Variants in PRH1 observed in about 807,000 individuals in gnomAD.
PRH1 encodes the protein salivary acidic proline-rich phosphoprotein 1/2.
Under a neutral mutation model 7.9 loss-of-function variants are expected in PRH1, and 7 were observed. The ratio of observed to expected loss-of-function variants is 0.89; its 90% confidence interval spans 0.50 to 1.67. The LOEUF (loss-of-function observed/expected upper bound fraction) is 1.67, where lower values mean the gene tolerates loss of function less well. Among genes scored for constraint, PRH1 ranks in the 40% most tolerant of loss-of-function variants. The pLI is 0.00. For missense variants in PRH1, 109 were observed against 223.6 expected (o/e 0.49, Z 3.27); for synonymous variants, 45 against 80.8 (o/e 0.56, Z 2.38).
intron 1 of PRH1, among the ~76,000 whole-genome samples, chr12:11,046,818 G>T (rs942584300): frequency 1.3e-5 from 2 of 152,024 alleles, no homozygotes; most frequent in East Asian, 1.9e-4. Context: ...ACTATTTCAT[G>T]TAGAATACAT....
intron 1 of PRH1, among the ~76,000 whole-genome samples, chr12:11,100,717 C>G (rs1424886909): frequency 6.6e-6 from 1 of 152,140 alleles, no homozygotes; most frequent in Non-Finnish European, 1.5e-5. Context: ...GCTATGGTGA[C>G]TAAATCTGGA....
At chr12:11,061,908 A>T in intron 1 of PRH1, 1 of 1,614,004 alleles carries the variant, frequency 6.2e-7, no homozygotes, top group Middle Eastern at 1.6e-4. Context: ...GTATCACCAG[A>T]ACAACACTCT....
chr12:11,152,221 A>ATCCCTTC, intron 1 of PRH1, among the ~76,000 whole-genome samples: 1 of 88,526 alleles, frequency 1.1e-5, no homozygotes, highest in African/African-American at 3.7e-5. Flanking sequence ...TCCTAATGCT[A>ATCCCTTC]TCCCTCCCCC....
At chr12:11,070,761 C>A (rs1256641725) in intron 1 of PRH1, among the ~76,000 whole-genome samples, 1 of 152,100 alleles carries the variant, frequency 6.6e-6, no homozygotes, top group Non-Finnish European at 1.5e-5. Flanking sequence ...TATCTAGGTA[C>A]CCAAAAGACA....
intron 2 of PRH1, among the ~76,000 whole-genome samples, chr12:10,965,959 C>G (rs916116266): frequency 2.4e-4 from 36 of 152,158 alleles, no homozygotes; most frequent in African/African-American, 8.4e-4. Context: ...TCCTGCTAAC[C>G]AGTACTTTTG....
chr12:11,094,691 T>C lies in PRH1; in HGVS notation n.124-47503A>G, dbSNP rs1320017103. 3.5e-5 allele frequency among the ~76,000 whole-genome samples: 4 copies of C among 115,824 alleles called. 1 individual carries two copies. Among genetic ancestry groups the C allele is most frequent in the African/African-American group, 1.2e-4 (4 of 34,464 alleles). The allele number at this position is 115,824 out of a possible 152,430, so 76.0% of individuals were successfully genotyped here. A position where few individuals can be genotyped will look rare whatever the true frequency, so the allele number is the denominator to read the frequency against. ...TATTTCCCTTCGGTATATAATGAGA[T>C]GAGTAATAATAATTTCTATATTTCT... On this transcript the variant is annotated intron_variant and non_coding_transcript_variant, in intron 1 of 4. Transcript: ENST00000541977.
At chr12:11,027,710 T>C (rs1941988772) in intron 1 of PRH1, among the ~76,000 whole-genome samples, 1 of 152,208 alleles carries the variant, frequency 6.6e-6, no homozygotes, top group Admixed American at 6.5e-5. Flanking sequence ...AGCCAGATGA[T>C]CCAGCAGGAT....
chr12:11,169,067 C>A (rs1947726368), intron 1 of PRH1, among the ~76,000 whole-genome samples: 1 of 152,276 alleles, frequency 6.6e-6, no homozygotes, highest in East Asian at 1.9e-4. Context: ...TTAAACACAG[C>A]TGTTAAATTC....
chr12:11,161,568 T>C (rs1469539504), intron 1 of PRH1, among the ~76,000 whole-genome samples: 1 of 152,162 alleles, frequency 6.6e-6, no homozygotes, highest in Admixed American at 6.5e-5. Context: ...CTCCAAAATA[T>C]TTTAGCAAGA....
At chr12:11,136,626 T>C (rs1336641668) in intron 1 of PRH1, among the ~76,000 whole-genome samples, 1 of 152,104 alleles carries the variant, frequency 6.6e-6, no homozygotes, top group Non-Finnish European at 1.5e-5. Flanking sequence ...ATAATCACCC[T>C]CAAGACATTA....
In PRH1 at chr12:11,088,554, A is replaced by G. The variant is rs1174100069; in HGVS notation, n.124-41366T>C. On this transcript the variant is annotated intron_variant and non_coding_transcript_variant, in intron 1 of 4. Transcript: ENST00000541977. ...CACACGTTGAAACAATCTTTTTTAC[A>G]GTATATGGCATGTTGCTCTCTCTAT... is the stretch of plus-strand genomic sequence containing the variant. Among the ~76,000 whole-genome samples, 2 of 110,594 alleles carry G rather than the reference A, an allele frequency of 1.8e-5. 1 individual carries two copies. Among genetic ancestry groups the G allele is most frequent in the African/African-American group, 6.1e-5 (2 of 32,574 alleles). 72.6% of individuals were successfully genotyped at this position (110,594 alleles called of 152,430 possible).
intron 2 of PRH1, among the ~76,000 whole-genome samples, chr12:10,950,077 A>C (rs1370930051): frequency 6.6e-6 from 1 of 152,146 alleles, no homozygotes; most frequent in East Asian, 1.9e-4. Context: ...CTTTGTAAAC[A>C]TGTCACTCTG....
At chr12:11,046,463 C>T (rs1942901990) in intron 1 of PRH1, among the ~76,000 whole-genome samples, 2 of 152,080 alleles carry the variant, frequency 1.3e-5, no homozygotes, top group South Asian at 2.1e-4. Flanking sequence ...TCCTGCTGCT[C>T]GTGTTATGCC....
intron 1 of PRH1, among the ~76,000 whole-genome samples, chr12:10,984,977 G>A (rs1386931408): frequency 6.6e-6 from 1 of 151,718 alleles, no homozygotes; most frequent in Non-Finnish European, 1.5e-5. Context: ...TTCTAAGGTA[G>A]GGAAGACTCA....
At chr12:11,170,974 A>G (rs4583064) in intron 1 of PRH1, among the ~76,000 whole-genome samples, 44,097 of 152,228 alleles carry the variant, frequency 0.29, 8,274 homozygotes, top group East Asian at 0.74. Context: ...CAGACAAACT[A>G]AAGTTTTAAT....
chr12:11,111,224 G>A (rs1189921807), intron 1 of PRH1, among the ~76,000 whole-genome samples: 2 of 152,156 alleles, frequency 1.3e-5, no homozygotes, highest in African/African-American at 4.8e-5. Context: ...ACACCCCACA[G>A]TCAATATTAG....
At position 10,997,485 on chromosome 12, in the gene PRH1, C is replaced by G. The variant is rs756377164; in HGVS notation, c.-125-23764G>C. 2.3e-5 allele frequency: 37 copies of G among 1,613,874 alleles called. No individual in the cohort carries two copies. The highest frequency in any genetic ancestry group is 3.1e-5 in the Non-Finnish European group (36 of 1,179,968). On this transcript the variant is annotated intron_variant, in intron 1 of 3. Transcript: ENST00000539853. ...AAGAACAAAGACCCCAACACTATCACCAGAACTACACTCTTAGCCTTCCTT... is the reference window on the plus strand; with the variant it reads ...AAGAACAAAGACCCCAACACTATCAGCAGAACTACACTCTTAGCCTTCCTT...
chr12:11,033,969 C>G (rs1942334099), intron 1 of PRH1, among the ~76,000 whole-genome samples: 1 of 150,946 alleles, frequency 6.6e-6, no homozygotes, highest in Non-Finnish European at 1.5e-5. Flanking sequence ...TTTCCAAGTC[C>G]CTAAACCCTT....
At chr12:10,935,724 A>G (rs1287651459) in intron 2 of PRH1, among the ~76,000 whole-genome samples, 1 of 152,212 alleles carries the variant, frequency 6.6e-6, no homozygotes, top group Non-Finnish European at 1.5e-5. Flanking sequence ...CGGTGGAGTT[A>G]AATCCCAATA....
Sources: allele counts gnomAD v4.1 joint callset (sites outside exome capture counted in the v4.1 genomes callset), GRCh38; gene constraint gnomAD v4.1.1; transcripts MANE v1.5; gene names NCBI Gene and HGNC (gene_info 2026-07-23, HGNC 2026-07-21).